Variants in CTNNA3 observed in about 807,000 individuals in gnomAD.
CTNNA3 encodes the protein catenin alpha-3.
A neutral mutation model predicts 95.7 loss-of-function variants in CTNNA3; 76 were observed. The ratio of observed to expected loss-of-function variants is 0.79; its 90% CI spans 0.66 to 0.96. The LOEUF (loss-of-function observed/expected upper bound fraction) is 0.96. CTNNA3 is among the 40% of genes least tolerant of loss of function. The pLI, the probability that CTNNA3 is intolerant of heterozygous loss-of-function variation, is 0.00. For synonymous variants in CTNNA3, 431 were observed against 374.4 expected, an observed-to-expected ratio of 1.15 and a Z score of -1.74; for missense variants, 1,191 against 1,089.8, an observed-to-expected ratio of 1.09 and a Z score of -1.31.
rs1489473206 is a variant in CTNNA3, at chr10:67,572,697, C to T, written c.293-33028G>A. On this transcript the variant is annotated intron_variant, in intron 3 of 17. Coordinates refer to ENST00000433211, the MANE Select transcript of CTNNA3 (RefSeq NM_013266.4). ...AACATTTAGCATATCTGTTCTGATG[C>T]TTGTTTCTGAGTTACCTAAGTGCTA... Among the ~76,000 whole-genome samples the T allele has an allele frequency of 3.9e-5, 6 of 152,122 alleles. 1 individual carries two copies. The East Asian group carries it at 1.2e-3, about 29-fold the overall frequency.
chr10:66,096,158 C>A (rs1228641221), intron 14 of CTNNA3, among the ~76,000 whole-genome samples: 1 of 152,116 alleles, frequency 6.6e-6, no homozygotes, highest in Non-Finnish European at 1.5e-5. Context: ...ATTCAAATAT[C>A]CTTAAATAAA....
At chr10:66,294,658 T>C (rs2091744668) in intron 12 of CTNNA3, among the ~76,000 whole-genome samples, 1 of 152,140 alleles carries the variant, frequency 6.6e-6, no homozygotes, top group South Asian at 2.1e-4. Flanking sequence ...GGTACTGAGA[T>C]AGAAACTTCA....
chr10:67,553,202 A>G (rs1209011251), intron 3 of CTNNA3, among the ~76,000 whole-genome samples: 1 of 152,174 alleles, frequency 6.6e-6, no homozygotes, highest in African/African-American at 2.4e-5. Flanking sequence ...CTTTCTCTCC[A>G]TAATAGACCC....
intron 16 of CTNNA3, among the ~76,000 whole-genome samples, chr10:65,969,547 G>C (rs1250023567): frequency 6.6e-6 from 1 of 152,094 alleles, no homozygotes; most frequent in African/African-American, 2.4e-5. Flanking sequence ...GCAATCCAGA[G>C]AATGAAGGAA....
chr10:66,529,644 T>C (rs1049762140), intron 10 of CTNNA3, among the ~76,000 whole-genome samples: 4 of 151,954 alleles, frequency 2.6e-5, no homozygotes, highest in Non-Finnish European at 4.4e-5. Context: ...AGTGTAGGAG[T>C]TATAAAAATA....
rs140279394 is a variant in CTNNA3, at chr10:67,751,724, G to T, written c.-2+11710C>A. Among the ~76,000 whole-genome samples, 91 of 151,072 alleles carry T rather than the reference G, an allele frequency of 6.0e-4. 2 individuals are homozygous for T. Among genetic ancestry groups the T allele is most frequent in the African/African-American group, 2.1e-3 (87 of 41,188 alleles). ...TAAACTAGAAAATCTAGAAGAAATT[G>T]ATAAATTCCAGGACACATACATCAT... On this transcript the variant is annotated intron_variant, in intron 1 of 17. Coordinates refer to the CTNNA3 transcript ENST00000684154.
intron 7 of CTNNA3, among the ~76,000 whole-genome samples, chr10:66,986,581 A>C (rs1850741162): frequency 6.6e-6 from 1 of 152,168 alleles, no homozygotes. Flanking sequence ...TTCATGAGGA[A>C]ATACTCTGTA....
chr10:66,953,983 A>G (rs1293228162), intron 7 of CTNNA3, among the ~76,000 whole-genome samples: 2 of 152,210 alleles, frequency 1.3e-5, no homozygotes, highest in African/African-American at 2.4e-5. Context: ...GTTTTGAAAT[A>G]CAAAATAATT....
chr10:66,842,932 G>A (rs1418487812), intron 7 of CTNNA3, among the ~76,000 whole-genome samples: 1 of 151,986 alleles, frequency 6.6e-6, no homozygotes, highest in Non-Finnish European at 1.5e-5. Context: ...GCTAAAATAA[G>A]GTGCACCAAA....
chr10:67,573,152 G>A (rs78988337), intron 3 of CTNNA3, among the ~76,000 whole-genome samples: 3 of 152,018 alleles, frequency 2.0e-5, no homozygotes, highest in East Asian at 3.9e-4. Flanking sequence ...CTTTTAGATC[G>A]ATGTGATTAT....
At chr10:66,772,159 C>T (rs1840110743) in intron 8 of CTNNA3, among the ~76,000 whole-genome samples, 2 of 152,092 alleles carry the variant, frequency 1.3e-5, no homozygotes, top group South Asian at 2.1e-4. Context: ...GGCCTGGTGG[C>T]TCACACCTGT....
intron 3 of CTNNA3, among the ~76,000 whole-genome samples, chr10:67,585,727 T>A (rs1842602236): frequency 6.6e-6 from 1 of 152,162 alleles, no homozygotes; most frequent in Non-Finnish European, 1.5e-5. Context: ...ATCTTCTTGG[T>A]TGGTCTAGCT....
intron 9 of CTNNA3, among the ~76,000 whole-genome samples, chr10:66,752,476 C>T (rs1323045881): frequency 1.3e-5 from 2 of 152,058 alleles, no homozygotes; most frequent in Non-Finnish European, 2.9e-5. Flanking sequence ...AATTATCAGA[C>T]TTCCAGAGAA....
chr10:66,420,302 G>T (rs1248235808), intron 11 of CTNNA3, among the ~76,000 whole-genome samples: 3 of 152,072 alleles, frequency 2.0e-5, no homozygotes, highest in African/African-American at 7.2e-5. Flanking sequence ...CTAATCCTCA[G>T]GAATATGCAA....
At chr10:66,755,627 G>C (rs1228191317) in intron 9 of CTNNA3, among the ~76,000 whole-genome samples, 2 of 152,118 alleles carry the variant, frequency 1.3e-5, no homozygotes, top group Non-Finnish European at 2.9e-5. Flanking sequence ...TACATTGTTA[G>C]TGGGAATGCA....
At chr10:66,685,314 TGTGTA>T (rs1847237610) in intron 9 of CTNNA3, among the ~76,000 whole-genome samples, 1 of 30,564 alleles carries the variant, frequency 3.3e-5, no homozygotes, top group Non-Finnish European at 5.2e-5. Flanking sequence ...TATATGTGTG[TGTGTA>T]TGTGTGTATA....
intron 5 of CTNNA3, among the ~76,000 whole-genome samples, chr10:67,240,805 A>ACT (rs1564505592): frequency 5.3e-5 from 8 of 152,116 alleles, no homozygotes. Flanking sequence ...TCTAATGCGG[A>ACT]CTACTGTGTC....
intron 1 of CTNNA3, among the ~76,000 whole-genome samples, chr10:67,653,148 C>A (rs1215598000): frequency 6.6e-6 from 1 of 152,168 alleles, no homozygotes; most frequent in Non-Finnish European, 1.5e-5. Flanking sequence ...AGGTGGGGAG[C>A]AAGCATCTCA....
chr10:66,171,931 A>G (rs1350894006), intron 13 of CTNNA3, among the ~76,000 whole-genome samples: 1 of 152,206 alleles, frequency 6.6e-6, no homozygotes, highest in African/African-American at 2.4e-5. Context: ...AACTTCTATT[A>G]TCAGTGTCAA....
Sources: gnomAD v4.1 joint callset for allele counts (sites outside exome capture counted in the v4.1 genomes callset) on GRCh38, gnomAD v4.1.1 for gene constraint, MANE v1.5 for transcripts, NCBI Gene and HGNC (gene_info 2026-07-23, HGNC 2026-07-21) for gene names.